F2: variants seen among roughly 807,000 people sequenced by gnomAD.
F2 encodes the protein coagulation factor II, thrombin.
A neutral mutation model predicts 81.9 loss-of-function variants in F2; 34 were observed. The ratio of observed to expected loss-of-function variants is 0.42; its 90% CI spans 0.32 to 0.55. The LOEUF (loss-of-function observed/expected upper bound fraction) is 0.55. F2 is among the 20% of genes least tolerant of loss of function. The pLI, the probability that F2 is intolerant of heterozygous loss-of-function variation, is 0.18. For missense variants in F2, 630 were observed against 833.4 expected, an observed-to-expected ratio of 0.76 and a Z score of 3.00; for synonymous variants, 296 against 326.4, an observed-to-expected ratio of 0.91 and a Z score of 1.01.
intron 9 of F2, among the ~76,000 whole-genome samples, chr11:46,727,391 C>T (rs921671850): frequency 2.6e-5 from 4 of 152,200 alleles, no homozygotes; most frequent in Admixed American, 6.5e-5. Context: ...CCTCCGCGCA[C>T]AGCTAATGGG....
chr11:46,725,228 C>T (rs1310267488), intron 6 of F2, among the ~76,000 whole-genome samples: 2 of 151,574 alleles, frequency 1.3e-5, no homozygotes, highest in African/African-American at 4.9e-5. Flanking sequence ...GCCACCACGC[C>T]TGGCTAATTT....
intron 12 of F2, among the ~76,000 whole-genome samples, chr11:46,736,442 T>C (rs1275849153): frequency 6.6e-6 from 1 of 152,048 alleles, no homozygotes; most frequent in African/African-American, 2.4e-5. Context: ...TTTTTTAGTT[T>C]TATTTTTTCC....
chr11:46,719,610 C>T lies in F2; in HGVS notation c.80-92C>T, dbSNP rs374097100. 1.7e-5 allele frequency: 26 copies of T among 1,487,284 alleles called. No individual in the cohort carries two copies. The African/African-American group carries it at 3.1e-4, about 17-fold the overall frequency. 92.1% of individuals were successfully genotyped at this position (1,487,284 alleles called of 1,614,324 possible). On this transcript the variant is annotated intron_variant, in intron 1 of 13. Transcript: ENST00000311907. The surrounding 1 kb of genome is among the most constrained non-coding windows in gnomAD (Gnocchi z 4.7). ...CCAGACAGCCTCTCTCAGAAGCCAG[C>T]AGGGGAGGGTGGGCTTGCTTCATGC...
At chr11:46,724,357 T>C (rs1300867072) in intron 6 of F2, among the ~76,000 whole-genome samples, 1 of 152,150 alleles carries the variant, frequency 6.6e-6, no homozygotes, top group Non-Finnish European at 1.5e-5. Context: ...TGGGTGGCTC[T>C]GATTCAAATA....
intron 12 of F2, among the ~76,000 whole-genome samples, chr11:46,734,349 G>A (rs974908545): frequency 6.6e-6 from 1 of 151,574 alleles, no homozygotes; most frequent in Non-Finnish European, 1.5e-5. Context: ...TGAGTTCTTC[G>A]TATTTATATT....
intron 12 of F2, among the ~76,000 whole-genome samples, chr11:46,730,796 A>ATATATATATATATATATG (rs942052249): frequency 2.8e-5 from 4 of 142,202 alleles, no homozygotes; most frequent in Non-Finnish European, 4.8e-5. Flanking sequence ...TTATATATAT[A>ATATATATATATATATATG]TATGCATAGT....
At chr11:46,725,450 A>G (rs1328048293) in intron 6 of F2, among the ~76,000 whole-genome samples, 4 of 152,066 alleles carry the variant, frequency 2.6e-5, no homozygotes, top group Non-Finnish European at 5.9e-5. Flanking sequence ...ACGCACACAC[A>G]TTGATGATAA....
chr11:46,730,017 G>A (rs3136478), intron 12 of F2, among the ~76,000 whole-genome samples: 13,038 of 152,156 alleles, frequency 0.086, 1,878 homozygotes, highest in African/African-American at 0.3. Flanking sequence ...ATGAAGCACA[G>A]GGAGAGAGAA....
chr11:46,734,223 G>A (rs1171075347), intron 12 of F2, among the ~76,000 whole-genome samples: 3 of 151,964 alleles, frequency 2.0e-5, no homozygotes, highest in African/African-American at 4.8e-5. Flanking sequence ...TCAGCCTCCC[G>A]AGTAGCTGGT....
intron 12 of F2, among the ~76,000 whole-genome samples, chr11:46,738,572 CAA>C (rs2064958612): frequency 6.6e-6 from 1 of 152,090 alleles, no homozygotes; most frequent in Non-Finnish European, 1.5e-5. Context: ...CTCCCAGGCG[CAA>C]GTGATCCTCC....
At position 46,725,897 on chromosome 11, in the gene F2, G is replaced by A. The variant is rs62623459; in HGVS notation, c.598G>A (p.Glu200Lys). 2,973 of 1,613,510 alleles carry A rather than the reference G, an allele frequency of 1.8e-3. 5 individuals are homozygous for A. Among genetic ancestry groups the A allele is most frequent in the Non-Finnish European group, 2.4e-3 (2,812 of 1,180,016 alleles). ...CACTGTAGCGATGACTCCACGCTCCGAAGGCTCCAGTGTGAATCTGTCACC... is the reference window on the plus strand; with the variant it reads ...CACTGTAGCGATGACTCCACGCTCCAAAGGCTCCAGTGTGAATCTGTCACC... ...QVTVAMTPRS[E>K]GSSVNLSPPL... The change falls in exon 7 of 14, where the codon GAA becomes AAA. Residue 200 changes from glutamate (E) to lysine (K), a missense_variant. Transcript: ENST00000311907.
Position 46,729,479 on chromosome 11 carries a change from G to GGT in F2, c.1574_1575dup (p.Val526TrpfsTer2). The stretch of plus-strand genomic sequence containing the variant: ...GTAAGGGGCAGCCCAGTGTCCTGCA[G>GGT]GTGGTGAACCTGCCCATTGTGGAGC... On this transcript the variant is annotated frameshift_variant, in exon 12 of 14. Transcript: ENST00000311907. LOFTEE classifies it high-confidence loss of function. 1 of 1,614,180 alleles carries GGT rather than the reference G, an allele frequency of 6.2e-7. No homozygotes were observed. The highest frequency in any genetic ancestry group is 8.5e-7 in the Non-Finnish European group (1 of 1,180,036).
intron 4 of F2, among the ~76,000 whole-genome samples, chr11:46,722,747 T>C (rs1348183187): frequency 6.6e-6 from 1 of 152,112 alleles, no homozygotes; most frequent in Non-Finnish European, 1.5e-5. Flanking sequence ...GTGGGATGCA[T>C]GGATGAACAA....
chr11:46,738,508 C>G (rs2064958285), intron 12 of F2, among the ~76,000 whole-genome samples: 1 of 152,036 alleles, frequency 6.6e-6, no homozygotes. Flanking sequence ...GGGTCTCACT[C>G]TGTTGCCCAG....
intron 9 of F2, 148 bp from the exon 10 acceptor site, chr11:46,727,848 C>T (rs771601304): frequency 1.9e-5 from 15 of 783,576 alleles, no homozygotes; most frequent in Non-Finnish European, 3.0e-5. Context: ...GCTCCAGGCC[C>T]CAAAGGCGGC....
In F2 at chr11:46,726,600, C is replaced by A; in HGVS notation, c.977C>A (p.Pro326Gln). The A allele has an allele frequency of 1.8e-5, 29 of 1,614,160 alleles. No homozygotes were observed. Among genetic ancestry groups the A allele is most frequent in the Non-Finnish European group, 2.3e-5 (27 of 1,180,010 alleles). ...ATSEYQTFFNPRTFGSGEADC... is the reference protein window; with the variant it reads ...ATSEYQTFFNQRTFGSGEADC... Reference sequence around the variant, plus strand: ...AGTGAGTACCAGACTTTCTTCAATCCGAGGACCTTTGGCTCGGGAGAGGCA... The same window carrying A: ...AGTGAGTACCAGACTTTCTTCAATCAGAGGACCTTTGGCTCGGGAGAGGCA... The change falls in exon 8 of 14, where the codon CCG becomes CAG. Residue 326 changes from proline (P) to glutamine (Q), a missense_variant. Transcript: ENST00000311907. The surrounding 1 kb of genome is among the most constrained non-coding windows in gnomAD (Gnocchi z 5.9).
In F2 at chr11:46,725,894, T is replaced by C; in HGVS notation, c.595T>C (p.Ser199Pro). The change falls in exon 7 of 14, where the codon TCC becomes CCC. Residue 199 changes from serine to proline, a missense_variant. Ser to Pro is a moderately conservative substitution (Grantham distance 74). Transcript: ENST00000311907. ...AGTCACTGTAGCGATGACTCCACGCTCCGAAGGCTCCAGTGTGAATCTGTC... is the reference window on the plus strand; with the variant it reads ...AGTCACTGTAGCGATGACTCCACGCCCCGAAGGCTCCAGTGTGAATCTGTC... ...DQVTVAMTPR[S>P]EGSSVNLSPP... The C allele has an allele frequency of 1.2e-6, 2 of 1,613,414 alleles. No homozygotes were observed. Among genetic ancestry groups the C allele is most frequent in the Non-Finnish European group, 1.7e-6 (2 of 1,180,014 alleles).
rs1565700513 is a variant in F2 at position 46,719,453 on chromosome 11, GTCAGGAGC to G, written c.79+145_79+152del. Reference sequence around the variant, plus strand: ...CCCAGGCGGCCAGCTTAGGGAAGAAGTCAGGAGCTCAGGGCTGGAAAGAGAATGGCTGC... The same window carrying G: ...CCCAGGCGGCCAGCTTAGGGAAGAAGTCAGGGCTGGAAAGAGAATGGCTGC... On this transcript the variant is annotated intron_variant, in intron 1 of 13. Transcript: ENST00000311907. The surrounding 1 kb of genome is among the most constrained non-coding windows in gnomAD (Gnocchi z 4.7). 2.8e-6 allele frequency: 3 copies of G among 1,078,992 alleles called. No homozygotes were observed. Among genetic ancestry groups the G allele is most frequent in the Non-Finnish European group, 4.1e-6 (3 of 726,870 alleles). The allele number at this position is 1,078,992 out of a possible 1,614,324, so 66.8% of individuals were successfully genotyped here. A position where few individuals can be genotyped will look rare whatever the true frequency, so the allele number is the denominator to read the frequency against.
chr11:46,727,289 C>G (rs187457275), intron 9 of F2, among the ~76,000 whole-genome samples: 1 of 151,906 alleles, frequency 6.6e-6, no homozygotes, highest in African/African-American at 2.4e-5. Flanking sequence ...CCCAAAGTGC[C>G]GGGATTACAG....
Sources: allele counts gnomAD v4.1 joint callset (sites outside exome capture counted in the v4.1 genomes callset), GRCh38; gene constraint gnomAD v4.1.1; non-coding constraint Gnocchi (gnomAD v3.1); transcripts MANE v1.5; gene names NCBI Gene and HGNC (gene_info 2026-07-23, HGNC 2026-07-21).